The following RAB36 variants were observed in gnomAD, a reference collection of about 807,000 sequenced individuals.
RAB36 encodes RAB36, member RAS oncogene family.
RAB36 carries 33 observed loss-of-function variants against 39.3 expected under a neutral mutation model. The ratio of observed to expected loss-of-function variants is 0.84; its 90% CI spans 0.64 to 1.12. The LOEUF is 1.12. Among genes scored for constraint, RAB36 ranks in the 50% most tolerant of loss-of-function variants. The pLI is 0.00. For synonymous variants in RAB36, 133 were observed against 140.2 expected, an observed-to-expected ratio of 0.95 and a Z score of 0.36; for missense variants, 308 against 355.3, an observed-to-expected ratio of 0.87 and a Z score of 1.07.
At chr22:23,166,177 A>AT (rs1265201917), downstream of RAB36, among the ~76,000 whole-genome samples, 1 of 124,890 alleles carries the variant, frequency 8.0e-6, no homozygotes, top group East Asian at 2.2e-4. Flanking sequence ...AAAAAAAAAA[A>AT]GGAGTGTTTC....
chr22:23,147,057 C>T (rs748857870), intron 2 of RAB36, among the ~76,000 whole-genome samples: 2 of 152,180 alleles, frequency 1.3e-5, no homozygotes, highest in African/African-American at 2.4e-5. Context: ...TCATGGTATG[C>T]AGGAGCTCCC....
rs2071820535 is a variant in RAB36 at position 23,161,748 on chromosome 22, G to A, written c.*184G>A. 1.5e-5 allele frequency: 9 copies of A among 590,168 alleles called. No homozygotes were observed. The highest frequency in any genetic ancestry group is 4.6e-4 in the Middle Eastern group (1 of 2,176). The allele number at this position is 590,168 out of a possible 1,614,324, so 36.6% of individuals were successfully genotyped here. A position where few individuals can be genotyped will look rare whatever the true frequency, so the allele number is the denominator to read the frequency against. ...GGGCACAGTCACTTGTCCGTTGCAG[G>A]TTGGGCACTAGAAAAGGCCCCCACT... On this transcript the variant is annotated 3_prime_UTR_variant, in exon 11 of 11. Transcript: ENST00000263116.
chr22:23,166,147 T>TAAAAAAAAAAAA (rs695297), downstream of RAB36, among the ~76,000 whole-genome samples: 5 of 59,886 alleles, frequency 8.3e-5, no homozygotes, highest in African/African-American at 3.6e-4. Flanking sequence ...CTCTGTCTTT[T>TAAAAAAAAAAAA]AAAAAAAAAA....
chr22:23,150,289 TTTTC>T (rs2049000799), intron 3 of RAB36, 135 bp downstream of exon 3: 1 of 679,534 alleles, frequency 1.5e-6, no homozygotes, highest in Admixed American at 2.9e-5. Flanking sequence ...ATGACTGGGG[TTTTC>T]TTTTTTTTTT....
chr22:23,156,129 G>GT (rs1373168475), intron 6 of RAB36, 97 bp downstream of exon 6: 2 of 1,122,414 alleles, frequency 1.8e-6, no homozygotes, highest in Admixed American at 2.5e-5. Context: ...ACAGGCACCA[G>GT]TTTTTTGTCC....
rs1444151634 is a variant in RAB36 at position 23,161,893 on chromosome 22, G to A, written c.*329G>A. ...TTTGGCCTCAAGAGGCCTCAGAACT[G>A]CAAACTCCTGCGTCGGTCTATACTA... On this transcript the variant is annotated 3_prime_UTR_variant, in exon 11 of 11. Transcript: ENST00000263116. 2.9e-6 allele frequency: 1 copy of A among 339,612 alleles called. No individual in the cohort carries two copies. Among genetic ancestry groups the A allele is most frequent in the Non-Finnish European group, 5.5e-6 (1 of 180,852 alleles). The allele number at this position is 339,612 out of a possible 1,614,324, so 21.0% of individuals were successfully genotyped here. A position where few individuals can be genotyped will look rare whatever the true frequency, so the allele number is the denominator to read the frequency against.
intron 5 of RAB36, among the ~76,000 whole-genome samples, chr22:23,154,894 G>A (rs2146545074): frequency 6.6e-6 from 1 of 152,306 alleles, no homozygotes; most frequent in Non-Finnish European, 1.5e-5. Context: ...GGGAGGCCAG[G>A]GCGGGTGGAT....
At position 23,159,267 on chromosome 22, in the gene RAB36, G is replaced by T; in HGVS notation, c.619+14G>T. 6.4e-7 allele frequency: 1 copy of T among 1,571,374 alleles called. No individual in the cohort carries two copies. Among genetic ancestry groups the T allele is most frequent in the Non-Finnish European group, 8.6e-7 (1 of 1,158,208 alleles). On this transcript the variant is annotated intron_variant, in intron 9 of 10. Coordinates refer to ENST00000263116, the MANE Select transcript of RAB36 (RefSeq NM_004914.5). ...CGGCCAAGACTGGTGAGTGGGCCAG[G>T]GCTGTCACCATGGTGGGGCAGAGCC...
chr22:23,155,125 C>CA (rs993261441), intron 5 of RAB36, among the ~76,000 whole-genome samples: 29 of 150,206 alleles, frequency 1.9e-4, no homozygotes, highest in South Asian at 4.2e-4. Context: ...AACTCCACCT[C>CA]AAAAAAAAAG....
Position 23,163,961 on chromosome 22 carries a change from C to G in RAB36, c.*2397C>G, listed in dbSNP as rs1230999478. ...TGACCCTCCCCATCCGCGGGCCATC[C>G]GGCTTGTGTCCAGCTTTTAGCTCTT... On this transcript the variant is annotated 3_prime_UTR_variant, in exon 11 of 11. Transcript: ENST00000263116. 1 of 152,282 alleles carries G rather than the reference C, an allele frequency of 6.6e-6. No homozygotes were observed. Among genetic ancestry groups the G allele is most frequent in the African/African-American group, 2.4e-5 (1 of 41,454 alleles). The allele number at this position is 152,282 out of a possible 1,614,324, so 9.4% of individuals were successfully genotyped here. A position where few individuals can be genotyped will look rare whatever the true frequency, so the allele number is the denominator to read the frequency against.
intron 2 of RAB36, among the ~76,000 whole-genome samples, chr22:23,147,340 CTT>C (rs917877071): frequency 6.9e-6 from 1 of 145,778 alleles, no homozygotes; most frequent in African/African-American, 2.5e-5. Context: ...TTTCTTTTTT[CTT>C]TTTTTTTTAG....
downstream of RAB36, among the ~76,000 whole-genome samples, chr22:23,165,932 G>T (rs576241045): frequency 2.4e-4 from 36 of 152,208 alleles, no homozygotes; most frequent in African/African-American, 7.2e-4. Flanking sequence ...GGATCACGAG[G>T]TCAGGAGATA....
chr22:23,150,743 C>T (rs2071067933), intron 3 of RAB36, among the ~76,000 whole-genome samples: 1 of 152,182 alleles, frequency 6.6e-6, no homozygotes, highest in Non-Finnish European at 1.5e-5. Context: ...CTTTCCTAAT[C>T]CCCTCGCTTC....
intron 10 of RAB36, 126 bp downstream of exon 10, chr22:23,161,124 C>A: frequency 8.1e-7 from 1 of 1,229,924 alleles, no homozygotes; most frequent in Non-Finnish European, 1.1e-6. Context: ...TCCTTTGACC[C>A]TCCTCTCAGG....
rs950622543 is a variant in RAB36, at chr22:23,145,846, T to C, written c.-13+295T>C. On this transcript the variant is annotated intron_variant, in intron 1 of 10. Transcript: ENST00000263116. ...ACAGAAAAAGGAGACAGAGGGGCTG[T>C]TGAGGAGGCTCGAGGAGTCAGAGGC... 5 of 435,198 alleles carry C rather than the reference T, an allele frequency of 1.1e-5. No homozygotes were observed. The Admixed American group carries it at 3.2e-4, about 28-fold the overall frequency. The allele number at this position is 435,198 out of a possible 1,614,324, so 27.0% of individuals were successfully genotyped here. A position where few individuals can be genotyped will look rare whatever the true frequency, so the allele number is the denominator to read the frequency against.
intron 5 of RAB36, among the ~76,000 whole-genome samples, chr22:23,155,364 ATTG>A (rs777738837): frequency 1.3e-5 from 2 of 152,182 alleles, no homozygotes; most frequent in East Asian, 3.9e-4. Context: ...TCATTAATCG[ATTG>A]TTGTACTCTT....
chr22:23,148,152 C>T (rs191354664), intron 2 of RAB36, among the ~76,000 whole-genome samples: 149 of 152,160 alleles, frequency 9.8e-4, no homozygotes, highest in Non-Finnish European at 2.0e-3. Context: ...GTGGCTCTTC[C>T]TCCTTCCCCC....
In RAB36 at chr22:23,158,050, C is replaced by T; in HGVS notation, c.446+7C>T. ...AGACCCTGGAGCATACCAGGTAAGTCTGGGCTCTCTGGCCCCTGCAGTCTC... is the reference window on the plus strand; with the variant it reads ...AGACCCTGGAGCATACCAGGTAAGTTTGGGCTCTCTGGCCCCTGCAGTCTC... On this transcript the variant is annotated splice_region_variant and intron_variant, in intron 7 of 10. Transcript: ENST00000263116. The T allele has an allele frequency of 6.2e-7, 1 of 1,614,104 alleles. No homozygotes were observed. Among genetic ancestry groups the T allele is most frequent in the Non-Finnish European group, 8.5e-7 (1 of 1,179,958 alleles).
Position 23,163,141 on chromosome 22 carries a change from T to A in RAB36, c.*1577T>A, listed in dbSNP as rs987961744. 3 of 176,088 alleles carry A rather than the reference T, an allele frequency of 1.7e-5. No individual in the cohort carries two copies. The highest frequency in any genetic ancestry group is 7.2e-5 in the African/African-American group (3 of 41,694). The allele number at this position is 176,088 out of a possible 1,614,324, so 10.9% of individuals were successfully genotyped here. On this transcript the variant is annotated 3_prime_UTR_variant, in exon 11 of 11. Coordinates refer to ENST00000263116, the MANE Select transcript of RAB36 (RefSeq NM_004914.5). ...GGTCAGGCTGCTCTCGGACTCCTGA[T>A]CTCAGGTGACCTGCCCACCTCGGCC...
Sources: allele counts gnomAD v4.1 joint callset (sites outside exome capture counted in the v4.1 genomes callset), GRCh38; gene constraint gnomAD v4.1.1; transcripts MANE v1.5; gene names NCBI Gene and HGNC (gene_info 2026-07-23, HGNC 2026-07-21).